The following IQGAP2 variants were observed in gnomAD, a reference collection of about 807,000 sequenced individuals.
IQGAP2 encodes IQ motif containing GTPase activating protein 2, also known as ras GTPase-activating-like protein IQGAP2.
IQGAP2 carries 173 observed loss-of-function variants against 201.3 expected under a neutral mutation model. The ratio of observed to expected loss-of-function variants is 0.86; its 90% CI spans 0.76 to 0.98. IQGAP2 has a LOEUF of 0.98. Ranked by LOEUF, IQGAP2 falls within the 50% of genes least tolerant of loss-of-function variation. The pLI is 0.00. For synonymous variants in IQGAP2, 675 were observed against 673.9 expected, an observed-to-expected ratio of 1.00 and a Z score of -0.03; for missense variants, 1,687 against 1,864.8, an observed-to-expected ratio of 0.90 and a Z score of 1.76.
At chr5:76,518,485 C>T (rs1373844919) in intron 2 of IQGAP2, among the ~76,000 whole-genome samples, 1 of 152,160 alleles carries the variant, frequency 6.6e-6, no homozygotes, top group South Asian at 2.1e-4. Flanking sequence ...GATTCAATTA[C>T]CTCCAACCAG....
chr5:76,520,723 A>G (rs1758622599), intron 2 of IQGAP2, among the ~76,000 whole-genome samples: 1 of 19,304 alleles, frequency 5.2e-5, no homozygotes, highest in Non-Finnish European at 9.4e-5. Context: ...TTTTTTTTTG[A>G]AACGGAGTCT....
chr5:76,490,126 G>A (rs1346457470), intron 2 of IQGAP2, among the ~76,000 whole-genome samples: 5 of 152,180 alleles, frequency 3.3e-5, no homozygotes, highest in Non-Finnish European at 5.9e-5. Context: ...CCTTATACCC[G>A]TTTTCATTCT....
chr5:76,627,556 C>A, intron 14 of IQGAP2, 56 bp downstream of exon 14: 1 of 914,938 alleles, frequency 1.1e-6, no homozygotes, highest in Non-Finnish European at 1.8e-6. Flanking sequence ...TGGTTATGTG[C>A]CTGAAGTCAT....
At chr5:76,524,997 G>A (rs905888102) in intron 2 of IQGAP2, among the ~76,000 whole-genome samples, 1 of 152,170 alleles carries the variant, frequency 6.6e-6, no homozygotes, top group African/African-American at 2.4e-5. Context: ...TATTTTCATT[G>A]AGGAAACCCA....
At chr5:76,514,270 C>T (rs1758168056) in intron 2 of IQGAP2, among the ~76,000 whole-genome samples, 1 of 152,064 alleles carries the variant, frequency 6.6e-6, no homozygotes, top group Non-Finnish European at 1.5e-5. Flanking sequence ...GTGATCTACT[C>T]ACCTTGGCCT....
At chr5:76,565,972 A>G (rs931485000) in intron 3 of IQGAP2, among the ~76,000 whole-genome samples, 5 of 152,150 alleles carry the variant, frequency 3.3e-5, no homozygotes, top group Non-Finnish European at 7.4e-5. Flanking sequence ...TTTCTTCTGC[A>G]CTTTGAGTTG....
intron 16 of IQGAP2, among the ~76,000 whole-genome samples, chr5:76,637,577 A>AT (rs1264931110): frequency 6.6e-6 from 1 of 152,252 alleles, no homozygotes; most frequent in South Asian, 2.1e-4. Context: ...CCAAAATGTC[A>AT]TTTTTTTCTA....
chr5:76,640,633 G>A (rs1235443568), intron 16 of IQGAP2, among the ~76,000 whole-genome samples: 1 of 152,166 alleles, frequency 6.6e-6, no homozygotes, highest in Non-Finnish European at 1.5e-5. Context: ...TACATTCTGT[G>A]GAGCTCAGGC....
intron 2 of IQGAP2, among the ~76,000 whole-genome samples, chr5:76,559,888 G>A (rs889959790): frequency 6.6e-6 from 1 of 152,206 alleles, no homozygotes; most frequent in African/African-American, 2.4e-5. Flanking sequence ...CAATGGGAAC[G>A]CATCTTGTCC....
rs748751815 is a variant in IQGAP2, at chr5:76,562,472, C to T, written c.223C>T (p.Leu75Phe). 6.2e-7 allele frequency: 1 copy of T among 1,613,636 alleles called. No homozygotes were observed. The highest frequency in any genetic ancestry group is 8.5e-7 in the Non-Finnish European group (1 of 1,179,736). The change falls in exon 3 of 36, where the codon CTT becomes TTT. Residue 75 changes from leucine (L) to phenylalanine (F), a missense_variant. Coordinates refer to ENST00000274364, the MANE Select transcript of IQGAP2 (RefSeq NM_006633.5). ...AGAAGGGCTCCGGAATGGAGTTTAC[C>T]TTGCAAAGTTAGCCAAGTTCTTTGC... ...LEEGLRNGVY[L>F]AKLAKFFAPK...
intron 35 of IQGAP2, among the ~76,000 whole-genome samples, chr5:76,703,084 C>T (rs1747558945): frequency 8.1e-6 from 1 of 123,176 alleles, no homozygotes; most frequent in African/African-American, 3.3e-5. Context: ...GGCATGTATG[C>T]CCAGGACTGG....
intron 2 of IQGAP2, among the ~76,000 whole-genome samples, chr5:76,538,471 C>T (rs1293288074): frequency 2.0e-5 from 3 of 152,208 alleles, no homozygotes; most frequent in African/African-American, 7.2e-5. Flanking sequence ...ATGAGGGACC[C>T]AGAGCTGACC....
chr5:76,606,787 A>G (rs1193583388), intron 12 of IQGAP2: 1 of 152,266 alleles, frequency 6.6e-6, no homozygotes, highest in African/African-American at 2.4e-5. Context: ...GCATGAAAGC[A>G]TACCAACCTC....
intron 2 of IQGAP2, among the ~76,000 whole-genome samples, chr5:76,551,551 C>G: frequency 6.6e-6 from 1 of 152,122 alleles, no homozygotes; most frequent in Non-Finnish European, 1.5e-5. Context: ...TCACTGCACT[C>G]CAGCCTGGGC....
intron 2 of IQGAP2, among the ~76,000 whole-genome samples, chr5:76,499,147 T>C (rs1757143182): frequency 6.6e-6 from 1 of 152,208 alleles, no homozygotes; most frequent in Admixed American, 6.5e-5. Flanking sequence ...CCAGTGGAGA[T>C]AGCACAATTA....
At chr5:76,423,140 A>ACT (rs1449580126) in intron 1 of IQGAP2, among the ~76,000 whole-genome samples, 1 of 152,228 alleles carries the variant, frequency 6.6e-6, no homozygotes, top group Admixed American at 6.5e-5. Context: ...CTGCTATAAA[A>ACT]AATTACCACT....
intron 15 of IQGAP2, among the ~76,000 whole-genome samples, chr5:76,636,530 T>G (rs1462063588): frequency 6.6e-6 from 1 of 152,212 alleles, no homozygotes; most frequent in African/African-American, 2.4e-5. Context: ...GCATATGCCA[T>G]TTTGTACTTT....
At chr5:76,476,877 G>C (rs1561400307) in intron 2 of IQGAP2, among the ~76,000 whole-genome samples, 1 of 152,158 alleles carries the variant, frequency 6.6e-6, no homozygotes, top group Non-Finnish European at 1.5e-5. Flanking sequence ...GACCCAGGTA[G>C]CTGTGTGATA....
At chr5:76,687,506 C>CT (rs1745885864) in intron 30 of IQGAP2, among the ~76,000 whole-genome samples, 1 of 152,174 alleles carries the variant, frequency 6.6e-6, no homozygotes, top group Non-Finnish European at 1.5e-5. Context: ...GGCAAGGAAA[C>CT]TAAAGTCTAA....
Sources: allele counts gnomAD v4.1 joint callset (sites outside exome capture counted in the v4.1 genomes callset), GRCh38; gene constraint gnomAD v4.1.1; transcripts MANE v1.5; gene names NCBI Gene and HGNC (gene_info 2026-07-23, HGNC 2026-07-21).